The following SNX29 variants were observed in gnomAD, a reference collection of about 807,000 sequenced individuals.
SNX29 encodes sorting nexin-29.
Under a neutral mutation model 102.1 loss-of-function variants are expected in SNX29, and 78 were observed. The ratio of observed to expected loss-of-function variants is 0.76; its 90% CI spans 0.64 to 0.92. The LOEUF (loss-of-function observed/expected upper bound fraction) is 0.92, where lower values mean the gene tolerates loss of function less well. Among genes scored for constraint, SNX29 ranks in the 40% least tolerant of loss-of-function variants. The pLI is 0.00. For synonymous variants in SNX29, 580 were observed against 414.5 expected (o/e 1.40, Z -4.85); for missense variants, 1,280 against 1,061.7 (o/e 1.21, Z -2.86).
chr16:12,091,170 T>TG (rs764959336), intron 11 of SNX29, among the ~76,000 whole-genome samples: 9 of 151,810 alleles, frequency 5.9e-5, no homozygotes, highest in Non-Finnish European at 1.2e-4. Context: ...AAAATAGGAG[T>TG]GCTAGACTTG....
intron 19 of SNX29, among the ~76,000 whole-genome samples, chr16:12,512,621 G>A (rs1018696091): frequency 3.4e-5 from 5 of 147,630 alleles, no homozygotes; most frequent in Admixed American, 2.1e-4. Flanking sequence ...CGAGGGAGAC[G>A]AGCATCCCAT....
At chr16:12,306,253 T>TA (rs1229454894) in intron 15 of SNX29, among the ~76,000 whole-genome samples, 1 of 152,124 alleles carries the variant, frequency 6.6e-6, no homozygotes, top group African/African-American at 2.4e-5. Flanking sequence ...TGTGTACTCT[T>TA]AACCACTGTG....
chr16:12,359,490 T>G (rs2082240683), intron 16 of SNX29, among the ~76,000 whole-genome samples: 1 of 152,248 alleles, frequency 6.6e-6, no homozygotes, highest in African/African-American at 2.4e-5. Flanking sequence ...TATTTGGTTT[T>G]CTTGCTTTCT....
intron 18 of SNX29, among the ~76,000 whole-genome samples, chr16:12,432,000 C>G (rs746866461): frequency 6.6e-6 from 1 of 152,180 alleles, no homozygotes; most frequent in Non-Finnish European, 1.5e-5. Flanking sequence ...GATGGCTGCT[C>G]CCAAGGAGTG....
chr16:12,165,307 G>T (rs1001047633), intron 13 of SNX29, among the ~76,000 whole-genome samples: 2 of 152,330 alleles, frequency 1.3e-5, no homozygotes, highest in Admixed American at 6.5e-5. Context: ...CTTTTGCAGT[G>T]TGCTTTCTAG....
chr16:12,018,722 A>G (rs982169600), intron 3 of SNX29, among the ~76,000 whole-genome samples: 11 of 147,236 alleles, frequency 7.5e-5, no homozygotes, highest in African/African-American at 1.7e-4. Flanking sequence ...TGTGGGGTAT[A>G]TTATCTTTTA....
chr16:11,985,487 G>A (rs2055578719), intron 1 of SNX29, among the ~76,000 whole-genome samples: 1 of 152,212 alleles, frequency 6.6e-6, no homozygotes. Context: ...ACGTGTTAAA[G>A]GACTATCAGG....
At chr16:12,390,098 T>A (rs1417465108) in intron 16 of SNX29, among the ~76,000 whole-genome samples, 1 of 151,954 alleles carries the variant, frequency 6.6e-6, no homozygotes, top group African/African-American at 2.4e-5. Flanking sequence ...TCTGTTGATA[T>A]AAAGAGGATG....
chr16:12,284,316 A>G (rs1306298083), intron 15 of SNX29, among the ~76,000 whole-genome samples: 2 of 152,244 alleles, frequency 1.3e-5, no homozygotes, highest in Middle Eastern at 3.2e-3. Context: ...TCTGTTAGTG[A>G]AATGCAGCCA....
intron 11 of SNX29, among the ~76,000 whole-genome samples, chr16:12,080,247 G>A (rs1302137151): frequency 1.3e-5 from 2 of 152,158 alleles, no homozygotes; most frequent in East Asian, 3.8e-4. Flanking sequence ...TGTTGCTAAG[G>A]AAGGAAGAAA....
intron 16 of SNX29, among the ~76,000 whole-genome samples, 152 bp from the exon 17 acceptor site, chr16:12,398,294 A>G (rs1029035595): frequency 1.3e-5 from 2 of 152,070 alleles, no homozygotes; most frequent in African/African-American, 4.8e-5. Flanking sequence ...CCTCCACACA[A>G]TCTCTTACCG....
rs561549748 is a variant in SNX29, at chr16:12,561,073, G to A, written c.2319-7433G>A. On this transcript the variant is annotated intron_variant, in intron 20 of 20. Coordinates refer to ENST00000566228, the MANE Select transcript of SNX29 (RefSeq NM_032167.5). ...GAGGTAGGAGGTAAAGGCCTTGATG[G>A]ATGTCAGCATAGTTCACAGTGGAAT... is the stretch of plus-strand genomic sequence containing the variant. The A allele has an allele frequency of 1.8e-5, 4 of 225,042 alleles. No individual in the cohort carries two copies. In the South Asian group the frequency reaches 7.4e-4, roughly 41 times the overall value. The allele number at this position is 225,042 out of a possible 1,614,324, so 13.9% of individuals were successfully genotyped here.
chr16:12,492,430 G>A (rs1183720323), intron 19 of SNX29, among the ~76,000 whole-genome samples: 1 of 152,012 alleles, frequency 6.6e-6, no homozygotes, highest in African/African-American at 2.4e-5. Context: ...CTGGATATTA[G>A]CCCTTTGTCA....
At chr16:12,443,182 A>G (rs1178172550) in intron 18 of SNX29, 5 of 368,874 alleles carry the variant, frequency 1.4e-5, no homozygotes, top group African/African-American at 6.4e-5. Context: ...GCTCCTTCCT[A>G]TGGAAGCTGC....
chr16:12,209,250 G>A (rs1438844837), intron 14 of SNX29, among the ~76,000 whole-genome samples: 1 of 152,154 alleles, frequency 6.6e-6, no homozygotes, highest in African/African-American at 2.4e-5. Context: ...ATTGTGGTAG[G>A]ATGATCTCAG....
chr16:12,112,680 T>G (rs927347284), intron 11 of SNX29, among the ~76,000 whole-genome samples: 26 of 152,306 alleles, frequency 1.7e-4, no homozygotes, highest in African/African-American at 5.3e-4. Flanking sequence ...GGGTTTTCAG[T>G]GTGAGTTTCG....
At chr16:12,355,239 A>G (rs565256591) in intron 15 of SNX29, among the ~76,000 whole-genome samples, 3 of 152,328 alleles carry the variant, frequency 2.0e-5, no homozygotes, top group African/African-American at 7.2e-5. Context: ...ACAACAAAAA[A>G]AGAGGGCTCC....
At chr16:12,247,029 G>A (rs1178868378) in intron 14 of SNX29, among the ~76,000 whole-genome samples, 1 of 152,160 alleles carries the variant, frequency 6.6e-6, no homozygotes, top group South Asian at 2.1e-4. Flanking sequence ...GCAGGGCCTT[G>A]TAGGTCCCTG....
intron 18 of SNX29, among the ~76,000 whole-genome samples, chr16:12,419,326 G>A (rs8052681): frequency 0.11 from 16,731 of 152,096 alleles, 1,024 homozygotes; most frequent in Middle Eastern, 0.19. Flanking sequence ...CCTGTAATGT[G>A]ATTCCTGTTC....
Sources: allele counts gnomAD v4.1 joint callset (sites outside exome capture counted in the v4.1 genomes callset), GRCh38; gene constraint gnomAD v4.1.1; transcripts MANE v1.5; gene names NCBI Gene and HGNC (gene_info 2026-07-23, HGNC 2026-07-21).